The following PKP4 variants were observed in gnomAD, a reference collection of about 807,000 sequenced individuals.
The protein encoded by PKP4 is plakophilin 4, also known as plakophilin-4.
PKP4 carries 90 observed loss-of-function variants against 145.1 expected under a neutral mutation model. That is an observed-to-expected ratio of 0.62 (90% CI 0.52 to 0.74). PKP4 has a LOEUF of 0.74. PKP4 is among the 30% of genes least tolerant of loss of function. The pLI is 0.00. For missense variants in PKP4, 1,340 were observed against 1,482.7 expected (o/e 0.90, Z 1.58); for synonymous variants, 563 against 577.2 (o/e 0.98, Z 0.35).
chr2:158,528,210 C>T (rs980296751), intron 1 of PKP4, among the ~76,000 whole-genome samples: 3 of 138,828 alleles, frequency 2.2e-5, no homozygotes, highest in South Asian at 2.3e-4. Flanking sequence ...CGGCATTATT[C>T]ACAATAGCAA....
chr2:158,651,420 C>T (rs1202686625), intron 11 of PKP4, among the ~76,000 whole-genome samples: 3 of 123,322 alleles, frequency 2.4e-5, no homozygotes, highest in Admixed American at 9.2e-5. Context: ...GGCTCTGCCC[C>T]TCCTAGCCCA....
chr2:158,650,010 G>A (rs1034050807), intron 11 of PKP4, among the ~76,000 whole-genome samples: 1 of 152,218 alleles, frequency 6.6e-6, no homozygotes, highest in Non-Finnish European at 1.5e-5. Flanking sequence ...TGGAGTATAT[G>A]ACTTCAGTGA....
At chr2:158,576,184 C>T (rs972707632) in intron 2 of PKP4, among the ~76,000 whole-genome samples, 2 of 152,208 alleles carry the variant, frequency 1.3e-5, no homozygotes, top group African/African-American at 2.4e-5. Flanking sequence ...CAAGCAATTA[C>T]ATGTTTGCCT....
chr2:158,622,847 G>A (rs1392892299), intron 6 of PKP4, among the ~76,000 whole-genome samples: 1 of 152,152 alleles, frequency 6.6e-6, no homozygotes, highest in Non-Finnish European at 1.5e-5. Context: ...AATGCTAATG[G>A]GAGTTCATCC....
intron 3 of PKP4, among the ~76,000 whole-genome samples, chr2:158,579,727 TAAAATG>T (rs934978100): frequency 3.9e-5 from 6 of 152,130 alleles, no homozygotes; most frequent in Non-Finnish European, 8.8e-5. Flanking sequence ...CTAGAGCAGT[TAAAATG>T]AAATAACTAG....
In PKP4 at chr2:158,613,899, A is replaced by G. The variant is rs575622931; in HGVS notation, c.281-7091A>G. Reference sequence around the variant, plus strand: ...CCATCAGATAAATTCAGGATGTGGAACAACTTAAAAGTGTATTGCTGCAGT... The same window carrying G: ...CCATCAGATAAATTCAGGATGTGGAGCAACTTAAAAGTGTATTGCTGCAGT... On this transcript the variant is annotated intron_variant, in intron 4 of 21. Coordinates refer to ENST00000389759, the MANE Select transcript of PKP4 (RefSeq NM_003628.6). Among the ~76,000 whole-genome samples, 3 of 152,322 alleles carry G rather than the reference A, an allele frequency of 2.0e-5. 1 individual carries two copies. The South Asian group carries it at 6.2e-4, about 32-fold the overall frequency.
chr2:158,672,584 A>G (rs903999517), intron 17 of PKP4, among the ~76,000 whole-genome samples: 2 of 152,116 alleles, frequency 1.3e-5, no homozygotes, highest in African/African-American at 4.8e-5. Flanking sequence ...GCTCCCCCAA[A>G]TCTGTCTTCC....
chr2:158,642,690 C>T lies in PKP4; in HGVS notation c.1900C>T (p.Leu634Phe). Residue 634 changes from leucine to phenylalanine, a missense_variant, in exon 11 of 22, where the codon CTT (leucine) becomes TTT (phenylalanine). Leu to Phe is a conservative substitution (Grantham distance 22). Transcript: ENST00000389759. ...RKSIDAEVRELVTGVLWNLSS... is the reference protein window; with the variant it reads ...RKSIDAEVREFVTGVLWNLSS... ...ATCTATTGATGCAGAAGTAAGGGAG[C>T]TTGTTACAGGTAGGTATAGAATGTG... 6.3e-7 allele frequency: 1 copy of T among 1,599,080 alleles called. No individual in the cohort carries two copies. The highest frequency in any genetic ancestry group is 1.3e-5 in the African/African-American group (1 of 74,734).
In PKP4 at chr2:158,632,080, A is replaced by C. The variant is rs534175220; in HGVS notation, c.1342+139A>C. 1.5e-5 allele frequency: 10 copies of C among 682,530 alleles called. No homozygotes were observed. In the East Asian group the frequency reaches 2.4e-4, roughly 16 times the overall value. 42.3% of individuals were successfully genotyped at this position (682,530 alleles called of 1,614,324 possible). A position where few individuals can be genotyped will look rare whatever the true frequency, so the allele number is the denominator to read the frequency against. ...AGATAAGCAGCTGTGACAGCAGATC[A>C]ATAAGCAATAAAACAGGTTCATTTA... On this transcript the variant is annotated intron_variant, in intron 8 of 21. Transcript: ENST00000389759.
intron 1 of PKP4, among the ~76,000 whole-genome samples, chr2:158,514,510 C>T (rs1454568693): frequency 6.6e-6 from 1 of 152,186 alleles, no homozygotes; most frequent in Non-Finnish European, 1.5e-5. Context: ...GAGAGATAAC[C>T]ATCATTCCTC....
At chr2:158,542,615 G>A (rs1251687620) in intron 2 of PKP4, among the ~76,000 whole-genome samples, 1 of 152,154 alleles carries the variant, frequency 6.6e-6, no homozygotes. Context: ...CTTTGTCAGA[G>A]TTGGAGAGTG....
intron 3 of PKP4, among the ~76,000 whole-genome samples, chr2:158,597,034 T>C (rs2049815957): frequency 6.6e-6 from 1 of 152,200 alleles, no homozygotes; most frequent in African/African-American, 2.4e-5. Flanking sequence ...TTCACACTTT[T>C]GTTTGTGATA....
chr2:158,584,342 G>C (rs1368890272), intron 3 of PKP4, among the ~76,000 whole-genome samples: 1 of 152,210 alleles, frequency 6.6e-6, no homozygotes, highest in East Asian at 1.9e-4. Context: ...TGGGGCCTAG[G>C]GATGCTAACT....
intron 2 of PKP4, among the ~76,000 whole-genome samples, chr2:158,545,455 G>C (rs1275962203): frequency 2.0e-5 from 3 of 152,130 alleles, no homozygotes; most frequent in Admixed American, 1.3e-4. Flanking sequence ...ATATTGTTGA[G>C]CACTAATAAA....
At chr2:158,460,697 G>A (rs1559169599) in intron 1 of PKP4, among the ~76,000 whole-genome samples, 2 of 152,138 alleles carry the variant, frequency 1.3e-5, no homozygotes, top group Non-Finnish European at 2.9e-5. Context: ...TTCTTAAATG[G>A]AAGGTAAAAT....
At chr2:158,502,740 G>A (rs1696772167) in intron 1 of PKP4, among the ~76,000 whole-genome samples, 1 of 152,138 alleles carries the variant, frequency 6.6e-6, no homozygotes, top group African/African-American at 2.4e-5. Flanking sequence ...TTCAAAAGTT[G>A]GGTTAACCCG....
At chr2:158,613,100 A>G (rs2051284231) in intron 4 of PKP4, among the ~76,000 whole-genome samples, 1 of 152,182 alleles carries the variant, frequency 6.6e-6, no homozygotes, top group Non-Finnish European at 1.5e-5. Context: ...AGTCACCTGC[A>G]GAGCTACTAA....
intron 4 of PKP4, among the ~76,000 whole-genome samples, chr2:158,613,819 C>T (rs1463729258): frequency 1.3e-5 from 2 of 152,142 alleles, no homozygotes; most frequent in African/African-American, 4.8e-5. Context: ...TTAGCTATAA[C>T]CTTCTGCTTA....
Position 158,676,735 on chromosome 2 carries a change from T to C in PKP4, c.3128-4T>C. 2 of 1,614,170 alleles carry C rather than the reference T, an allele frequency of 1.2e-6. No individual in the cohort carries two copies. The highest frequency in any genetic ancestry group is 1.7e-6 in the Non-Finnish European group (2 of 1,180,012). On this transcript the variant is annotated splice_polypyrimidine_tract_variant and splice_region_variant and intron_variant, in intron 19 of 21. Transcript: ENST00000389759. ...TTTCTCTCCTCCTTTGCCTCTCCCT[T>C]CAGTCGGCAGCACCTCTTCCTCACC...
Sources: gnomAD v4.1 joint callset for allele counts (sites outside exome capture counted in the v4.1 genomes callset) on GRCh38, gnomAD v4.1.1 for gene constraint, MANE v1.5 for transcripts, NCBI Gene and HGNC (gene_info 2026-07-23, HGNC 2026-07-21) for gene names.